The following OPA1 variants were observed in gnomAD, a reference collection of about 807,000 sequenced individuals.
The protein encoded by OPA1 is OPA1 mitochondrial dynamin like GTPase, also known as dynamin-like GTPase OPA1, mitochondrial.
In OPA1, 59 loss-of-function variants were observed where a neutral mutation model predicts 152.9. That is an observed-to-expected ratio of 0.39 (90% CI 0.31 to 0.48). The LOEUF (loss-of-function observed/expected upper bound fraction) is 0.48. OPA1 is among the 20% of genes least tolerant of loss of function. The pLI, the probability that OPA1 is intolerant of heterozygous loss-of-function variation, is 0.96. For synonymous variants in OPA1, 400 were observed against 389.9 expected (o/e 1.03, Z -0.31); for missense variants, 1,008 against 1,216.8 (o/e 0.83, Z 2.55).
chr3:193,644,946 A>G (rs1178880951), intron 16 of OPA1, among the ~76,000 whole-genome samples: 1 of 151,968 alleles, frequency 6.6e-6, no homozygotes, highest in East Asian at 1.9e-4. Context: ...AAACTCTAAC[A>G]TATGTGAAAG....
chr3:193,625,842 A>G (rs1248423763), intron 6 of OPA1, among the ~76,000 whole-genome samples: 1 of 151,422 alleles, frequency 6.6e-6, no homozygotes, highest in African/African-American at 2.4e-5. Flanking sequence ...TTTATTTAGC[A>G]CTTATTATTG....
chr3:193,596,306 T>TTTTCTTTTCTTTTCC lies in OPA1; in HGVS notation c.32+2901_32+2902insTTTTCTTTTCCTTTC, dbSNP rs1335150236. Among the ~76,000 whole-genome samples, 670 of 105,330 alleles carry TTTTCTTTTCTTTTCC rather than the reference T, an allele frequency of 6.4e-3. 4 individuals carry two copies. The highest frequency in any genetic ancestry group is 9.6e-3 in the Non-Finnish European group (510 of 53,374). The allele number at this position is 105,330 out of a possible 152,430, so 69.1% of individuals were successfully genotyped here. Reference sequence around the variant, plus strand: ...ATTGGCCATCGCAACTTTTCTTTTCTTTTCCTTTCCTTTCCTTTCCTTTCC... The same window carrying TTTTCTTTTCTTTTCC: ...ATTGGCCATCGCAACTTTTCTTTTCTTTTCTTTTCTTTTCCTTTCCTTTCCTTTCCTTTCCTTTCC... On this transcript the variant is annotated intron_variant, in intron 1 of 30. Coordinates refer to ENST00000361510, the MANE Select transcript of OPA1 (RefSeq NM_130837.3).
Position 193,595,873 on chromosome 3 carries a change from C to T in OPA1, c.32+2464C>T, listed in dbSNP as rs190893583. ...TCCTCTTAGATTGATATGTTATGTC[C>T]GTGATTTCCAAAGTAAGATTTGTAC... On this transcript the variant is annotated intron_variant, in intron 1 of 30. Transcript: ENST00000361510. 1.2e-4 allele frequency among the ~76,000 whole-genome samples: 19 copies of T among 152,030 alleles called. No individual in the cohort carries two copies. In the East Asian group the frequency reaches 2.3e-3, roughly 19 times the overall value.
chr3:193,613,569 T>TTTTG (rs569037448), intron 1 of OPA1, among the ~76,000 whole-genome samples: 19 of 152,170 alleles, frequency 1.2e-4, no homozygotes, highest in African/African-American at 2.2e-4. Context: ...TTTGTTTTTT[T>TTTTG]TTTGTTTGTT....
intron 29 of OPA1, among the ~76,000 whole-genome samples, chr3:193,677,000 A>T (rs1320960587): frequency 6.6e-6 from 1 of 151,274 alleles, no homozygotes; most frequent in Non-Finnish European, 1.5e-5. Flanking sequence ...AAAAAAAAAA[A>T]AAAAGTCACT....
intron 29 of OPA1, among the ~76,000 whole-genome samples, chr3:193,690,190 ATTTT>A (rs11398485): frequency 2.7e-4 from 41 of 149,616 alleles, no homozygotes; most frequent in African/African-American, 4.4e-4. Context: ...ATGGGTTAGG[ATTTT>A]TTTTTTTAAG....
chr3:193,691,867 C>A (rs1178587678), intron 29 of OPA1, 196 bp from the exon 30 acceptor site: 1 of 515,080 alleles, frequency 1.9e-6, no homozygotes, highest in African/African-American at 1.9e-5. Flanking sequence ...AGTCTCTCCT[C>A]CCACTTCCAA....
chr3:193,686,107 G>T (rs564133781), intron 29 of OPA1, among the ~76,000 whole-genome samples: 1 of 152,282 alleles, frequency 6.6e-6, no homozygotes, highest in South Asian at 2.1e-4. Context: ...TGTTACAGAA[G>T]ATTTTGTCTA....
intron 1 of OPA1, among the ~76,000 whole-genome samples, chr3:193,604,201 A>G (rs1175642621): frequency 3.9e-5 from 6 of 152,232 alleles, no homozygotes; most frequent in Admixed American, 6.5e-5. Context: ...CAGTGGTCCT[A>G]TGTTTAGCAC....
intron 25 of OPA1, 32 bp downstream of exon 25, chr3:193,659,593 GAT>G (rs1560036904): frequency 6.4e-7 from 1 of 1,562,526 alleles, no homozygotes; most frequent in Non-Finnish European, 8.8e-7. Flanking sequence ...GTCTTATGAT[GAT>G]ATAATTTTGT....
At position 193,643,387 on chromosome 3, in the gene OPA1, T is replaced by C. The variant is rs770340884; in HGVS notation, c.1320T>C (p.Asn440=). The change falls in exon 14 of 31, where the codon AAT becomes AAC. Residue 440 remains asparagine (N), a synonymous_variant. Coordinates refer to ENST00000361510, the MANE Select transcript of OPA1 (RefSeq NM_130837.3). ...CTVSPETISL[N]VKGPGLQRMV... The stretch of plus-strand genomic sequence containing the variant: ...TTCCTGAGTAGACCATATCCTTAAA[T>C]GTAAAAGGCCCTGGACTACAGAGGA... 28 of 1,610,352 alleles carry C rather than the reference T, an allele frequency of 1.7e-5. No homozygotes were observed. The South Asian group carries it at 2.7e-4, about 16-fold the overall frequency.
At position 193,609,648 on chromosome 3, in the gene OPA1, C is replaced by G. The variant is rs138324423; in HGVS notation, c.33-5075C>G. On this transcript the variant is annotated intron_variant, in intron 1 of 30. Transcript: ENST00000361510. ...TGCAGAGTGTTTTCCAACTTGGTTC[C>G]ATTCTTCCCGTCACTTTCAGGTACA... 3.3e-3 allele frequency among the ~76,000 whole-genome samples: 506 copies of G among 152,290 alleles called. 4 individuals carry two copies. Among genetic ancestry groups the G allele is most frequent in the Middle Eastern group, 0.02 (6 of 294 alleles).
chr3:193,676,718 C>T (rs980979747), intron 29 of OPA1, among the ~76,000 whole-genome samples: 24 of 152,228 alleles, frequency 1.6e-4, no homozygotes, highest in South Asian at 1.2e-3. Context: ...TGGTGGCTCA[C>T]GCCTGTAATC....
intron 11 of OPA1, 37 bp from the exon 12 acceptor site, chr3:193,642,728 A>C: frequency 7.0e-7 from 1 of 1,425,300 alleles, no homozygotes; most frequent in Non-Finnish European, 9.9e-7. Flanking sequence ...ATTACTTATA[A>C]ATACATCATT....
chr3:193,598,068 A>G (rs1725888909), intron 1 of OPA1, among the ~76,000 whole-genome samples: 1 of 152,186 alleles, frequency 6.6e-6, no homozygotes, highest in Non-Finnish European at 1.5e-5. Flanking sequence ...GCAACAGAGC[A>G]AGACTTCGTC....
Position 193,659,501 on chromosome 3 carries a change from C to A in OPA1, c.2460C>A (p.Asn820Lys). The change falls in exon 25 of 31, where the codon AAC becomes AAA. Residue 820 changes from asparagine to lysine, a missense_variant. Asn to Lys is a moderately conservative substitution (Grantham distance 94, BLOSUM62 0). This residue lies in a region of OPA1 where 229 missense variants were observed against 269.0 expected (regional missense o/e 0.85). Coordinates refer to ENST00000361510, the MANE Select transcript of OPA1 (RefSeq NM_130837.3). ...TTCTAGCTGAAAATGCAATTGAAAA[C>A]ATGGTGGGTCCAGACTGGAAAAAGA... Reference protein sequence around the residue: ...RLKDTENAIENMVGPDWKKRW... With the variant: ...RLKDTENAIEKMVGPDWKKRW... 6.2e-7 allele frequency: 1 copy of A among 1,610,852 alleles called. No individual in the cohort carries two copies.
intron 11 of OPA1, among the ~76,000 whole-genome samples, chr3:193,639,168 T>C (rs1204086464): frequency 6.6e-6 from 1 of 152,110 alleles, no homozygotes; most frequent in Non-Finnish European, 1.5e-5. Flanking sequence ...TGAACAGATA[T>C]TTACGGAATG....
intron 7 of OPA1, among the ~76,000 whole-genome samples, chr3:193,628,796 A>G (rs1427134825): frequency 6.6e-6 from 1 of 152,228 alleles, no homozygotes; most frequent in Non-Finnish European, 1.5e-5. Flanking sequence ...TCTTAAGAAA[A>G]TATATAAAAA....
intron 25 of OPA1, among the ~76,000 whole-genome samples, chr3:193,660,037 A>T (rs984566837): frequency 3.3e-5 from 5 of 152,128 alleles, no homozygotes; most frequent in African/African-American, 1.2e-4. Context: ...TATCCCAGCT[A>T]CTAGTGAGGC....
Sources: gnomAD v4.1 joint callset for allele counts (sites outside exome capture counted in the v4.1 genomes callset) on GRCh38, gnomAD v4.1.1 for gene constraint, gnomAD v4.1.1 regional missense constraint, MANE v1.5 for transcripts, NCBI Gene and HGNC (gene_info 2026-07-23, HGNC 2026-07-21) for gene names.